HYCC2: variants seen among roughly 807,000 people sequenced by gnomAD.
The protein encoded by HYCC2 is hyccin PI4KA lipid kinase complex subunit 2.
At chr2:201,036,113 A>T in the HYCC2 span, among the ~76,000 whole-genome samples, 2 of 152,192 alleles carry the variant, frequency 1.3e-5, no homozygotes, top group Non-Finnish European at 2.9e-5. Context: ...TATTATAAAC[A>T]CCTCTACACA....
chr2:200,989,828 A>G, the HYCC2 span, among the ~76,000 whole-genome samples: 1 of 152,280 alleles, frequency 6.6e-6, no homozygotes, highest in African/African-American at 2.4e-5. Flanking sequence ...AATAATAGTA[A>G]TTTTTTGAAA....
chr2:201,016,823 C>T, the HYCC2 span, among the ~76,000 whole-genome samples: 1 of 152,136 alleles, frequency 6.6e-6, no homozygotes, highest in East Asian at 1.9e-4. Flanking sequence ...TGGTCTCGAA[C>T]TCCTGACCTC....
the HYCC2 span, among the ~76,000 whole-genome samples, chr2:201,041,054 T>C: frequency 6.6e-6 from 1 of 152,194 alleles, no homozygotes; most frequent in Admixed American, 6.5e-5. Flanking sequence ...ATTTCAAAAC[T>C]GGGAATAGCG....
chr2:201,022,912 G>C, the HYCC2 span: 1 of 1,613,022 alleles, frequency 6.2e-7, no homozygotes. Flanking sequence ...CATAACTGGT[G>C]ATCTGAGTGT....
At chr2:201,008,878 G>T in the HYCC2 span, 1 of 780,442 alleles carries the variant, frequency 1.3e-6, no homozygotes, top group Non-Finnish European at 2.1e-6. Context: ...ATTCCAGCCT[G>T]GGTGACAGAG....
the HYCC2 span, among the ~76,000 whole-genome samples, chr2:201,040,497 T>C: frequency 6.6e-6 from 1 of 152,030 alleles, no homozygotes; most frequent in Non-Finnish European, 1.5e-5. Flanking sequence ...TTTTTTTTGT[T>C]TGTTCATTTT....
the HYCC2 span, among the ~76,000 whole-genome samples, chr2:201,020,000 CAT>C: frequency 4.0e-5 from 6 of 151,568 alleles, no homozygotes; most frequent in Non-Finnish European, 5.9e-5. Flanking sequence ...TGGAGGATCA[CAT>C]GAGTCCAGGA....
At chr2:201,012,819 C>T in the HYCC2 span, among the ~76,000 whole-genome samples, 1 of 151,960 alleles carries the variant, frequency 6.6e-6, no homozygotes, top group Non-Finnish European at 1.5e-5. Context: ...GTGGCAGACG[C>T]CTATAATCCC....
chr2:201,034,673 C>G, the HYCC2 span, among the ~76,000 whole-genome samples: 1 of 152,068 alleles, frequency 6.6e-6, no homozygotes, highest in Non-Finnish European at 1.5e-5. Flanking sequence ...TTATTTTGCT[C>G]GTTAGTTGAT....
the HYCC2 span, among the ~76,000 whole-genome samples, chr2:201,010,421 T>A: frequency 3.3e-5 from 5 of 152,222 alleles, no homozygotes; most frequent in Non-Finnish European, 7.3e-5. Flanking sequence ...CTTAGTGTAG[T>A]GGCAACAAAG....
At chr2:200,999,174 GAAGA>G in the HYCC2 span, among the ~76,000 whole-genome samples, 22 of 152,248 alleles carry the variant, frequency 1.4e-4, no homozygotes, top group East Asian at 4.0e-3. Context: ...ACCACTCTAA[GAAGA>G]AAGACTTAAA....
chr2:200,974,691 A>T, the HYCC2 span: 2 of 152,010 alleles, frequency 1.3e-5, no homozygotes, highest in African/African-American at 4.8e-5. Context: ...GCTATAAAAA[A>T]CAATACATAA....
chr2:201,043,677 T>G, the HYCC2 span, among the ~76,000 whole-genome samples: 1 of 151,412 alleles, frequency 6.6e-6, no homozygotes, highest in Admixed American at 6.6e-5. Context: ...CCTGGCTAAT[T>G]TTTTGTATTT....
the HYCC2 span, among the ~76,000 whole-genome samples, chr2:201,019,275 C>T: frequency 2.0e-5 from 3 of 152,194 alleles, no homozygotes; most frequent in South Asian, 2.1e-4. Flanking sequence ...CTATGAAGAC[C>T]TTAAACTCCT....
the HYCC2 span, among the ~76,000 whole-genome samples, chr2:201,042,698 T>TG: frequency 1.4e-5 from 2 of 147,852 alleles, no homozygotes; most frequent in African/African-American, 2.5e-5. Flanking sequence ...GTCCGGGAGC[T>TG]GGGGGGCAGC....
chr2:201,026,998 C>T, the HYCC2 span, among the ~76,000 whole-genome samples: 2 of 152,070 alleles, frequency 1.3e-5, no homozygotes, highest in Non-Finnish European at 2.9e-5. Context: ...ACACAAAAAA[C>T]CCTTCAAAAA....
At chr2:201,014,992 T>C in the HYCC2 span, among the ~76,000 whole-genome samples, 2 of 152,154 alleles carry the variant, frequency 1.3e-5, no homozygotes, top group Non-Finnish European at 2.9e-5. Context: ...AAATAACTAT[T>C]AACAAATTTA....
the HYCC2 span, among the ~76,000 whole-genome samples, chr2:201,021,046 C>T: frequency 1.3e-5 from 2 of 152,088 alleles, no homozygotes; most frequent in Admixed American, 1.3e-4. Context: ...AGATTACAGG[C>T]GTGAGACACT....
chr2:201,026,976 G>GA, the HYCC2 span, among the ~76,000 whole-genome samples: 3 of 152,100 alleles, frequency 2.0e-5, no homozygotes, highest in African/African-American at 4.8e-5. Context: ...GAGCAGAACT[G>GA]AGGAGATAGA....
Sources: allele counts gnomAD v4.1 joint callset (sites outside exome capture counted in the v4.1 genomes callset), GRCh38; gene constraint gnomAD v4.1.1; transcripts MANE v1.5; gene names NCBI Gene and HGNC (gene_info 2026-07-23, HGNC 2026-07-21).